The following AKAP13 variants were observed in gnomAD, a reference collection of about 807,000 sequenced individuals.
AKAP13 encodes A-kinase anchor protein 13.
AKAP13 carries 80 observed loss-of-function variants against 264.5 expected under a neutral mutation model. The ratio of observed to expected loss-of-function variants is 0.30; its 90% CI spans 0.25 to 0.36. AKAP13 has a LOEUF of 0.36. Among genes scored for constraint, AKAP13 ranks in the 10% least tolerant of loss-of-function variants. AKAP13 has a pLI of 1.00. For missense variants in AKAP13, 3,712 were observed against 3,435.2 expected (o/e 1.08, Z -2.01); for synonymous variants, 1,380 against 1,250.2 (o/e 1.10, Z -2.19).
chr15:85,392,159 G>A (rs2070891211), intron 1 of AKAP13, among the ~76,000 whole-genome samples: 1 of 150,484 alleles, frequency 6.6e-6, no homozygotes, highest in African/African-American at 2.4e-5. Flanking sequence ...TAGGGTAGTG[G>A]GTTTCATTTG....
At chr15:85,606,223 T>C (rs1161565493) in intron 8 of AKAP13, among the ~76,000 whole-genome samples, 1 of 150,248 alleles carries the variant, frequency 6.7e-6, no homozygotes, top group African/African-American at 2.5e-5. Flanking sequence ...TGCCTCAGCC[T>C]CCTGAGTTGT....
chr15:85,716,260 G>T (rs375368006), intron 20 of AKAP13, among the ~76,000 whole-genome samples: 6 of 152,192 alleles, frequency 3.9e-5, no homozygotes, highest in Non-Finnish European at 4.4e-5. Context: ...TCAGAATTTT[G>T]GGTTGCAACC....
chr15:85,682,260 T>C (rs754615451), intron 15 of AKAP13, 48 bp downstream of exon 15: 1 of 1,581,678 alleles, frequency 6.3e-7, no homozygotes, highest in South Asian at 1.1e-5. Context: ...ATGAAGAAAA[T>C]TTAAAATCTC....
intron 20 of AKAP13, chr15:85,717,050 C>CT: frequency 2.3e-6 from 1 of 432,820 alleles, no homozygotes; most frequent in Non-Finnish European, 4.1e-6. Context: ...CTTCTTATCA[C>CT]TTTCTTTAAA....
chr15:85,454,259 A>G (rs4843059), intron 1 of AKAP13, among the ~76,000 whole-genome samples: 38,142 of 152,170 alleles, frequency 0.25, 6,364 homozygotes, highest in Middle Eastern at 0.37. Context: ...GTCTTCACGC[A>G]TGCCAAGACT....
At chr15:85,633,329 T>G (rs2151455025) in intron 8 of AKAP13, among the ~76,000 whole-genome samples, 1 of 150,160 alleles carries the variant, frequency 6.7e-6, no homozygotes, top group South Asian at 2.1e-4. Context: ...CTTGTTGCTG[T>G]ATTCATGCAG....
chr15:85,387,929 T>C (rs75778563), intron 1 of AKAP13, among the ~76,000 whole-genome samples: 1,949 of 152,320 alleles, frequency 0.013, 46 homozygotes, highest in African/African-American at 0.045. Flanking sequence ...TCATTTTTAG[T>C]AATAGAAGCT....
chr15:85,559,700 C>T (rs1212518232), intron 5 of AKAP13, among the ~76,000 whole-genome samples: 2 of 129,406 alleles, frequency 1.5e-5, no homozygotes, highest in African/African-American at 2.9e-5. Flanking sequence ...CTAGTGCCAC[C>T]GTTGATCCGA....
intron 1 of AKAP13, among the ~76,000 whole-genome samples, chr15:85,444,143 A>G (rs541974117): frequency 6.6e-6 from 1 of 152,302 alleles, no homozygotes; most frequent in Non-Finnish European, 1.5e-5. Context: ...AATCCACTCT[A>G]TTAATTGCTA....
intron 10 of AKAP13, among the ~76,000 whole-genome samples, chr15:85,652,365 T>G (rs879602552): frequency 2.6e-5 from 4 of 152,188 alleles, no homozygotes; most frequent in Non-Finnish European, 5.9e-5. Flanking sequence ...CCTATATAAC[T>G]GTCTGTGAGT....
chr15:85,630,196 CACACACACACACATCAT>C (rs879463440), intron 8 of AKAP13, among the ~76,000 whole-genome samples: 4,593 of 79,094 alleles, frequency 0.058, 325 homozygotes, highest in African/African-American at 0.18. Context: ...CACACACACA[CACACACACACACATCAT>C]GAACTAAGAT....
chr15:85,527,406 C>T (rs1284580808), intron 3 of AKAP13, among the ~76,000 whole-genome samples: 1 of 152,082 alleles, frequency 6.6e-6, no homozygotes, highest in Admixed American at 6.6e-5. Flanking sequence ...AAAAAACTTA[C>T]AGTGATATAT....
At chr15:85,593,876 G>C (rs537942593) in intron 8 of AKAP13, among the ~76,000 whole-genome samples, 1 of 152,012 alleles carries the variant, frequency 6.6e-6, no homozygotes, top group East Asian at 1.9e-4. Flanking sequence ...AGTGAATTAG[G>C]GTTTTAACCT....
intron 36 of AKAP13, chr15:85,744,224 A>T: frequency 3.4e-6 from 1 of 293,448 alleles, no homozygotes; most frequent in South Asian, 4.0e-5. Flanking sequence ...AAGTGAGGAA[A>T]CTGAGGCTCA....
intron 1 of AKAP13, chr15:85,381,644 T>C (rs1280190445): frequency 6.7e-6 from 1 of 149,540 alleles, no homozygotes; most frequent in Non-Finnish European, 1.5e-5. Flanking sequence ...GTTTTGGAAA[T>C]AGTTCTTATA....
Position 85,538,264 on chromosome 15 carries a change from G to A in AKAP13, c.478+4384G>A, listed in dbSNP as rs571820215. Among the ~76,000 whole-genome samples the A allele has an allele frequency of 7.2e-5, 11 of 152,224 alleles. No homozygotes were observed. In the East Asian group the frequency reaches 2.1e-3, roughly 29 times the overall value. On this transcript the variant is annotated intron_variant, in intron 4 of 36. Coordinates refer to ENST00000394518, the MANE Select transcript of AKAP13 (RefSeq NM_007200.5). Reference sequence around the variant, plus strand: ...TTCATTCTTATTTACTCATGATATTGTATAACCAAGTGAAAAAGAGATCTG... The same window carrying A: ...TTCATTCTTATTTACTCATGATATTATATAACCAAGTGAAAAAGAGATCTG...
chr15:85,442,703 C>G (rs1394604561), intron 1 of AKAP13, among the ~76,000 whole-genome samples: 1 of 151,388 alleles, frequency 6.6e-6, no homozygotes, highest in Non-Finnish European at 1.5e-5. Context: ...CTTCCCCTAT[C>G]ATTGCCATCC....
intron 9 of AKAP13, among the ~76,000 whole-genome samples, chr15:85,644,484 G>A (rs1345086535): frequency 6.6e-5 from 10 of 150,382 alleles, no homozygotes; most frequent in African/African-American, 2.4e-4. Flanking sequence ...CAGGTGATCC[G>A]CCTGCCTCAG....
In AKAP13 at chr15:85,579,798, G is replaced by A; in HGVS notation, c.1730G>A (p.Ser577Asn). 1.9e-6 allele frequency: 3 copies of A among 1,614,224 alleles called. No individual in the cohort carries two copies. Among genetic ancestry groups the A allele is most frequent in the Non-Finnish European group, 2.5e-6 (3 of 1,180,042 alleles). Residue 577 changes from serine to asparagine, a missense_variant, in exon 7 of 37, where the codon AGT becomes AAT. Around this residue, in one of 3 missense-constraint regions of AKAP13, gnomAD observed 2,759 missense variants for 2,411.7 expected, o/e 1.14. Coordinates refer to ENST00000394518, the MANE Select transcript of AKAP13 (RefSeq NM_007200.5). ...GAAACTTCACGAAGTCGTGAGGAGA[G>A]TGCTGATGCTCCAGTAGATCAGAAT... ...ETETSRSREESADAPVDQNSV... is the reference protein window; with the variant it reads ...ETETSRSREENADAPVDQNSV...
Sources: gnomAD v4.1 joint callset for allele counts (sites outside exome capture counted in the v4.1 genomes callset) on GRCh38, gnomAD v4.1.1 for gene constraint, gnomAD v4.1.1 regional missense constraint, MANE v1.5 for transcripts, NCBI Gene and HGNC (gene_info 2026-07-23, HGNC 2026-07-21) for gene names.